Variants in NKIRAS1 observed in about 807,000 individuals in gnomAD.
NKIRAS1 encodes the protein NF-kappa-B inhibitor-interacting Ras-like protein 1.
Under a neutral mutation model 19.8 loss-of-function variants are expected in NKIRAS1, and 16 were observed. The observed-to-expected ratio is 0.81, with a 90% CI of 0.55 to 1.23. NKIRAS1 has a LOEUF of 1.23. NKIRAS1 is among the 50% of genes most tolerant of loss of function. The pLI, the probability that NKIRAS1 is intolerant of heterozygous loss-of-function variation, is 0.00. For synonymous variants in NKIRAS1, 88 were observed against 79.0 expected (o/e 1.11, Z -0.61); for missense variants, 184 against 220.0 (o/e 0.84, Z 1.04).
Position 23,900,906 on chromosome 3 carries a change from C to G in NKIRAS1, c.238G>C (p.Asp80His). ...ACACTGTACACAAGAACGAAGCCAT[C>G]AGCAAATGAAAAATAATGCTTTGGC... ...ELPKHYFSFA[D>H]GFVLVYSVNN... The change falls in exon 4 of 5, where the codon GAT becomes CAT. Residue 80 changes from aspartate to histidine, a missense_variant. Physicochemically the swap from Asp to His is moderately conservative, Grantham distance 81 (BLOSUM62 -1). Coordinates refer to ENST00000425478, the MANE Select transcript of NKIRAS1 (RefSeq NM_020345.4). 1 of 1,614,144 alleles carries G rather than the reference C, an allele frequency of 6.2e-7. No individual in the cohort carries two copies. Among genetic ancestry groups the G allele is most frequent in the East Asian group, 2.2e-5 (1 of 44,878 alleles).
chr3:23,910,722 C>T (rs1393299111), intron 3 of NKIRAS1, 89 bp downstream of exon 3: 3 of 891,316 alleles, frequency 3.4e-6, no homozygotes, highest in Non-Finnish European at 5.5e-6. Context: ...CCTTTATGTA[C>T]CATCAACCAC....
At chr3:23,945,478 C>T in intron 1 of NKIRAS1, 2 of 715,206 alleles carry the variant, frequency 2.8e-6, no homozygotes, top group Non-Finnish European at 1.8e-6. Flanking sequence ...CCCGCGACCA[C>T]CGCTGCTTCC....
intron 1 of NKIRAS1, among the ~76,000 whole-genome samples, chr3:23,913,767 C>A (rs1313764047): frequency 6.6e-6 from 1 of 152,192 alleles, no homozygotes; most frequent in African/African-American, 2.4e-5. Context: ...CTGCAGTACC[C>A]TGAATGGGCA....
At chr3:23,937,712 T>A (rs1015166888) in intron 1 of NKIRAS1, among the ~76,000 whole-genome samples, 1 of 152,166 alleles carries the variant, frequency 6.6e-6, no homozygotes, top group East Asian at 1.9e-4. Flanking sequence ...TTAAAAAATA[T>A]CTGTTTAGTA....
At position 23,926,029 on chromosome 3, in the gene NKIRAS1, A is replaced by C. The variant is rs1021527561; in HGVS notation, c.-139-14579T>G. Among the ~76,000 whole-genome samples, 14 of 152,006 alleles carry C rather than the reference A, an allele frequency of 9.2e-5. No homozygotes were observed. The highest frequency in any genetic ancestry group is 1.9e-4 in the Non-Finnish European group (13 of 67,992). ...ACAGAAATTTCTGTTGTATAGTGCC[A>C]ATTTATTTATTTTTATTTTTATTTA... On this transcript the variant is annotated intron_variant, in intron 1 of 4. Coordinates refer to the NKIRAS1 transcript ENST00000421515. This position sits in a 1 kb window ranked among gnomAD's most constrained non-coding sequence, Gnocchi z 4.3.
intron 1 of NKIRAS1, chr3:23,945,570 G>T: frequency 4.3e-6 from 5 of 1,168,638 alleles, no homozygotes; most frequent in Non-Finnish European, 5.3e-6. Flanking sequence ...CCGCCTCCGC[G>T]AGGGCACCAT....
chr3:23,905,795 CAAAA>C (rs34872852), intron 3 of NKIRAS1, among the ~76,000 whole-genome samples: 1 of 117,714 alleles, frequency 8.5e-6, no homozygotes, highest in Admixed American at 8.6e-5. Context: ...AAATGTGCTC[CAAAA>C]AAAAAAAAAA....
Position 23,890,848 on chromosome 3 carries a change from G to GT in NKIRAS1, c.*2246_*2247insA. 1 of 353,346 alleles carries GT rather than the reference G, an allele frequency of 2.8e-6. No homozygotes were observed. 21.9% of individuals were successfully genotyped at this position (353,346 alleles called of 1,614,324 possible). A position where few individuals can be genotyped will look rare whatever the true frequency, so the allele number is the denominator to read the frequency against. On this transcript the variant is annotated 3_prime_UTR_variant, in exon 5 of 5. Coordinates refer to ENST00000425478, the MANE Select transcript of NKIRAS1 (RefSeq NM_020345.4). Reference sequence around the variant, plus strand: ...GCAATATTAGCTGAAATGTAGTACAGAAAAGAATGTACATTTAGACATTTG... The same window carrying GT: ...GCAATATTAGCTGAAATGTAGTACAGTAAAAGAATGTACATTTAGACATTTG...
At chr3:23,906,544 CCTT>C (rs1703081872) in intron 3 of NKIRAS1, among the ~76,000 whole-genome samples, 1 of 152,214 alleles carries the variant, frequency 6.6e-6, no homozygotes, top group South Asian at 2.1e-4. Context: ...AATCCCTCCT[CCTT>C]CTCCTCAGTC....
rs187617780 is a variant in NKIRAS1 at position 23,902,158 on chromosome 3, C to A, written c.95-1109G>T. On this transcript the variant is annotated intron_variant, in intron 3 of 4. Transcript: ENST00000425478. Reference sequence around the variant, plus strand: ...CACATGGATAACATCCTATACCCCCCCCAATCATACTATGTTATAGTTTTT... The same window carrying A: ...CACATGGATAACATCCTATACCCCCACCAATCATACTATGTTATAGTTTTT... Among the ~76,000 whole-genome samples, 685 of 152,250 alleles carry A rather than the reference C, an allele frequency of 4.5e-3. 3 individuals carry two copies. Among genetic ancestry groups the A allele is most frequent in the Middle Eastern group, 0.014 (4 of 294 alleles).
At chr3:23,900,646 AAAAAAAAAAAAG>A (rs1202842926) in intron 4 of NKIRAS1, among the ~76,000 whole-genome samples, 150 bp downstream of exon 4, 2 of 150,448 alleles carry the variant, frequency 1.3e-5, no homozygotes, top group African/African-American at 4.8e-5. Context: ...CGTCTCAAAA[AAAAAAAAAAAAG>A]AAAAAGAAAA....
chr3:23,919,981 A>G (rs1704981880), upstream of NKIRAS1: 17 of 987,560 alleles, frequency 1.7e-5, no homozygotes, highest in Non-Finnish European at 1.9e-5. Context: ...CCTCCACAGT[A>G]CCATTTTAAA....
Position 23,923,864 on chromosome 3 carries a change from TA to T in NKIRAS1, c.-139-12415del, listed in dbSNP as rs1294014556. 6 of 152,314 alleles carry T rather than the reference TA, an allele frequency of 3.9e-5. No individual in the cohort carries two copies. In the South Asian group the frequency reaches 1.0e-3, roughly 26 times the overall value. The allele number at this position is 152,314 out of a possible 1,614,324, so 9.4% of individuals were successfully genotyped here. A position where few individuals can be genotyped will look rare whatever the true frequency, so the allele number is the denominator to read the frequency against. On this transcript the variant is annotated intron_variant, in intron 1 of 4. Coordinates refer to the NKIRAS1 transcript ENST00000421515. ...AATTTTGGGATATCTGCCAGTCTGTTAGGGGGAAATGATACTCTTCTCTACT... is the reference window on the plus strand; with the variant it reads ...AATTTTGGGATATCTGCCAGTCTGTTGGGGGAAATGATACTCTTCTCTACT...
chr3:23,937,293 C>G (rs6788335), intron 1 of NKIRAS1, among the ~76,000 whole-genome samples: 96,883 of 151,106 alleles, frequency 0.64, 31,248 homozygotes, highest in Middle Eastern at 0.73. Context: ...ATCGCCTGAA[C>G]CTGGGAGGAG....
chr3:23,923,460 C>T (rs9834166), intron 1 of NKIRAS1: 28,617 of 152,032 alleles, frequency 0.19, 2,691 homozygotes, highest in Non-Finnish European at 0.21. Context: ...CTCAGGTGAT[C>T]CGCCCATCTC....
chr3:23,927,306 G>A lies in NKIRAS1; in HGVS notation c.-139-15856C>T, dbSNP rs1346932460. ...AGGCCAAGGTGGGAGGATCCCTTGA[G>A]GCCAGGAGTTCGAGACCAGTCCAGT... On this transcript the variant is annotated intron_variant, in intron 1 of 4. Coordinates refer to the NKIRAS1 transcript ENST00000421515. This position sits in a 1 kb window ranked among gnomAD's most constrained non-coding sequence, Gnocchi z 4.0. Among the ~76,000 whole-genome samples the A allele has an allele frequency of 6.6e-6, 1 of 152,070 alleles. No homozygotes were observed. Among genetic ancestry groups the A allele is most frequent in the Non-Finnish European group, 1.5e-5 (1 of 68,012 alleles).
At chr3:23,918,950 T>C (rs1053092824), upstream of NKIRAS1, 6 of 555,844 alleles carry the variant, frequency 1.1e-5, no homozygotes, top group African/African-American at 1.1e-4. Flanking sequence ...TATTAACATA[T>C]TCCTGCCCTA....
At chr3:23,905,269 TA>T (rs1461853467) in intron 3 of NKIRAS1, among the ~76,000 whole-genome samples, 1 of 152,190 alleles carries the variant, frequency 6.6e-6, no homozygotes, top group Non-Finnish European at 1.5e-5. Flanking sequence ...AAAGAATGAT[TA>T]ACCAAAAGTC....
At chr3:23,918,233 C>G, upstream of NKIRAS1, 12 of 906,358 alleles carry the variant, frequency 1.3e-5, no homozygotes, top group Non-Finnish European at 1.8e-5. Flanking sequence ...TGAATGAGTT[C>G]AGACTAAAGC....
Sources: gnomAD v4.1 joint callset for allele counts (sites outside exome capture counted in the v4.1 genomes callset) on GRCh38, gnomAD v4.1.1 for gene constraint, Gnocchi (gnomAD v3.1) non-coding constraint, MANE v1.5 for transcripts, NCBI Gene and HGNC (gene_info 2026-07-23, HGNC 2026-07-21) for gene names.